Variants in DOCK1 observed in about 807,000 individuals in gnomAD.
DOCK1 encodes the protein dedicator of cytokinesis 1.
A neutral mutation model predicts 262.7 loss-of-function variants in DOCK1; 138 were observed. The observed-to-expected ratio is 0.53, with a 90% CI of 0.46 to 0.61. DOCK1 has a LOEUF of 0.61. Among genes scored for constraint, DOCK1 ranks in the 20% least tolerant of loss-of-function variants. DOCK1 has a pLI of 0.00. For synonymous variants in DOCK1, 866 were observed against 867.4 expected, an observed-to-expected ratio of 1.00 and a Z score of 0.03; for missense variants, 1,908 against 2,370.7, an observed-to-expected ratio of 0.80 and a Z score of 4.05.
chr10:127,026,095 G>T, intron 15 of DOCK1: 2 of 397,500 alleles, frequency 5.0e-6, no homozygotes, highest in Non-Finnish European at 4.4e-6. Flanking sequence ...AATCTTAACA[G>T]TAATGGTCAG....
At chr10:127,438,811 G>A (rs999549970) in intron 48 of DOCK1, among the ~76,000 whole-genome samples, 4 of 152,060 alleles carry the variant, frequency 2.6e-5, no homozygotes, top group African/African-American at 7.2e-5. Context: ...TTGCCCTATC[G>A]TGCTAAGTGT....
intron 18 of DOCK1, among the ~76,000 whole-genome samples, chr10:127,037,366 G>T (rs1436241236): frequency 6.6e-6 from 1 of 152,230 alleles, no homozygotes. Context: ...GGTATCCAGT[G>T]CCTGGGCAGC....
At chr10:127,122,471 C>T (rs868491590) in intron 25 of DOCK1, among the ~76,000 whole-genome samples, 1 of 151,952 alleles carries the variant, frequency 6.6e-6, no homozygotes, top group African/African-American at 2.4e-5. Flanking sequence ...TGTTGGATGG[C>T]TTTTTACACA....
intron 10 of DOCK1, among the ~76,000 whole-genome samples, chr10:127,003,249 C>T (rs1044103571): frequency 2.0e-5 from 3 of 151,052 alleles, no homozygotes; most frequent in Non-Finnish European, 2.9e-5. Flanking sequence ...TGTGAACCCA[C>T]GTGAACCTTT....
chr10:127,355,151 C>CTGCCATCAGG (rs1565019116), intron 32 of DOCK1, among the ~76,000 whole-genome samples: 4 of 151,932 alleles, frequency 2.6e-5, no homozygotes, highest in African/African-American at 9.7e-5. Flanking sequence ...CCAGATCTAC[C>CTGCCATCAGG]TGGTGGCAGC....
chr10:126,968,751 A>C (rs2037866954), intron 1 of DOCK1, among the ~76,000 whole-genome samples: 1 of 152,192 alleles, frequency 6.6e-6, no homozygotes, highest in Admixed American at 6.5e-5. Flanking sequence ...AGGTTTACGA[A>C]TACGGTCATG....
At chr10:126,934,162 C>G (rs2034386462) in intron 1 of DOCK1, among the ~76,000 whole-genome samples, 1 of 152,030 alleles carries the variant, frequency 6.6e-6, no homozygotes, top group South Asian at 2.1e-4. Flanking sequence ...GACTAAGTTT[C>G]ACTCTTGTTG....
intron 1 of DOCK1, among the ~76,000 whole-genome samples, chr10:126,935,233 T>C (rs1332367243): frequency 6.6e-6 from 1 of 152,250 alleles, no homozygotes. Flanking sequence ...CTCCGTGAAG[T>C]TGGAAGAACA....
chr10:126,929,504 TTCA>T lies in DOCK1; in HGVS notation c.46+23942_46+23944del, dbSNP rs1591350191. On this transcript the variant is annotated intron_variant, in intron 1 of 51. Coordinates refer to ENST00000623213, the MANE Select transcript of DOCK1 (RefSeq NM_001290223.2). ...ACTCATGGTGGAGTCTCTGGGAAGC[TTCA>T]CCAAGGAGGCTCCTGGCGAGCCTTG... Among the ~76,000 whole-genome samples, 33 of 152,140 alleles carry T rather than the reference TTCA, an allele frequency of 2.2e-4. No individual in the cohort carries two copies. The East Asian group carries it at 6.0e-3, about 28-fold the overall frequency.
intron 27 of DOCK1, among the ~76,000 whole-genome samples, chr10:127,235,799 T>A (rs200908917): frequency 6.9e-6 from 1 of 145,946 alleles, no homozygotes; most frequent in African/African-American, 2.5e-5. Context: ...TTTTTTTTTT[T>A]AATTTTAGCC....
At chr10:126,948,493 G>T (rs892185341) in intron 1 of DOCK1, among the ~76,000 whole-genome samples, 1 of 151,866 alleles carries the variant, frequency 6.6e-6, no homozygotes, top group Non-Finnish European at 1.5e-5. Flanking sequence ...GGGTGATGAA[G>T]GTGGTAATAC....
intron 29 of DOCK1, among the ~76,000 whole-genome samples, chr10:127,294,670 A>G (rs1424392494): frequency 7.4e-6 from 1 of 134,460 alleles, no homozygotes; most frequent in Non-Finnish European, 1.6e-5. Context: ...TTTTTTTAAG[A>G]TGGAGTCTGG....
At chr10:127,262,392 C>G (rs2060205580) in intron 29 of DOCK1, among the ~76,000 whole-genome samples, 1 of 152,144 alleles carries the variant, frequency 6.6e-6, no homozygotes. Context: ...TTGACACATT[C>G]AGCAGAAACA....
At chr10:127,353,041 G>T (rs112357588) in intron 31 of DOCK1, among the ~76,000 whole-genome samples, 47 of 152,238 alleles carry the variant, frequency 3.1e-4, no homozygotes, top group African/African-American at 1.1e-3. Flanking sequence ...GGACATGGGC[G>T]CAGGGGGTGT....
intron 29 of DOCK1, among the ~76,000 whole-genome samples, chr10:127,322,500 A>G (rs1364397062): frequency 6.7e-6 from 1 of 150,118 alleles, no homozygotes; most frequent in African/African-American, 2.5e-5. Context: ...GCACACACAT[A>G]ATTTTCTAAA....
At chr10:127,355,458 G>A (rs992349318) in intron 32 of DOCK1, among the ~76,000 whole-genome samples, 4 of 152,040 alleles carry the variant, frequency 2.6e-5, no homozygotes, top group South Asian at 2.1e-4. Flanking sequence ...GTCAGCCCTC[G>A]GGCTTGCTTT....
chr10:127,189,393 C>T (rs985655933), intron 27 of DOCK1, among the ~76,000 whole-genome samples: 3 of 152,160 alleles, frequency 2.0e-5, no homozygotes, highest in Non-Finnish European at 2.9e-5. Flanking sequence ...TGAGCCTGGG[C>T]ACTCTGTCTG....
chr10:127,405,728 C>G (rs1369607930), intron 40 of DOCK1, among the ~76,000 whole-genome samples: 1 of 152,172 alleles, frequency 6.6e-6, no homozygotes, highest in Admixed American at 6.5e-5. Context: ...CACCACAGTT[C>G]TGGCCTGCTC....
intron 27 of DOCK1, chr10:127,153,721 G>T: frequency 1.5e-6 from 1 of 688,970 alleles, no homozygotes; most frequent in South Asian, 1.8e-5. Context: ...TAGAATTACA[G>T]TCAAGTAAGG....
Sources: gnomAD v4.1 joint callset for allele counts (sites outside exome capture counted in the v4.1 genomes callset) on GRCh38, gnomAD v4.1.1 for gene constraint, MANE v1.5 for transcripts, NCBI Gene and HGNC (gene_info 2026-07-23, HGNC 2026-07-21) for gene names.